DOK6: variants seen among roughly 807,000 people sequenced by gnomAD.
DOK6 encodes the protein downstream of tyrosine kinase 6.
DOK6 carries 22 observed loss-of-function variants against 44.0 expected under a neutral mutation model. The observed-to-expected ratio is 0.50, with a 90% CI of 0.36 to 0.71. The LOEUF (loss-of-function observed/expected upper bound fraction) is 0.71. Among genes scored for constraint, DOK6 ranks in the 30% least tolerant of loss-of-function variants. The pLI is 0.00. For synonymous variants in DOK6, 166 were observed against 145.5 expected (o/e 1.14, Z -1.01); for missense variants, 340 against 416.4 (o/e 0.82, Z 1.60).
At chr18:69,455,119 G>C (rs1288658701) in intron 1 of DOK6, among the ~76,000 whole-genome samples, 1 of 124,224 alleles carries the variant, frequency 8.0e-6, no homozygotes, top group African/African-American at 3.0e-5. Flanking sequence ...ACTTTGTTTA[G>C]AATTCGCCTT....
At chr18:69,693,346 C>G (rs1275544889) in intron 4 of DOK6, among the ~76,000 whole-genome samples, 2 of 149,220 alleles carry the variant, frequency 1.3e-5, no homozygotes, top group African/African-American at 4.9e-5. Context: ...CTATTGGCTT[C>G]CAGTAGACAT....
chr18:69,493,171 C>G (rs1273013413), intron 1 of DOK6, among the ~76,000 whole-genome samples: 1 of 152,122 alleles, frequency 6.6e-6, no homozygotes, highest in Admixed American at 6.6e-5. Flanking sequence ...TATTCATATT[C>G]ATCTTTGAGT....
At chr18:69,794,415 T>C (rs959371050) in intron 7 of DOK6, among the ~76,000 whole-genome samples, 3 of 152,196 alleles carry the variant, frequency 2.0e-5, no homozygotes, top group African/African-American at 7.2e-5. Context: ...TATGTTTTTT[T>C]AACCATTATG....
chr18:69,797,173 C>T (rs745489532), intron 7 of DOK6, among the ~76,000 whole-genome samples: 1 of 152,110 alleles, frequency 6.6e-6, no homozygotes, highest in Non-Finnish European at 1.5e-5. Flanking sequence ...GGCTTCTCAC[C>T]AACCGAAAGG....
intron 1 of DOK6, among the ~76,000 whole-genome samples, chr18:69,493,634 A>G (rs1255363736): frequency 6.6e-6 from 1 of 151,750 alleles, no homozygotes; most frequent in East Asian, 1.9e-4. Context: ...TTTCAAAATC[A>G]TAGAGATACA....
intron 1 of DOK6, among the ~76,000 whole-genome samples, chr18:69,463,751 TTGTG>T (rs1050699532): frequency 5.9e-5 from 9 of 151,664 alleles, no homozygotes; most frequent in Admixed American, 4.0e-4. Context: ...AAATGCATGT[TTGTG>T]TGTGTCTGTG....
At chr18:69,665,023 C>CA (rs576619939) in intron 3 of DOK6, among the ~76,000 whole-genome samples, 6 of 151,520 alleles carry the variant, frequency 4.0e-5, no homozygotes, top group Admixed American at 6.6e-5. Context: ...ACTATAAATA[C>CA]AAAAAAAATT....
intron 1 of DOK6, among the ~76,000 whole-genome samples, chr18:69,425,988 TG>T (rs1160889105): frequency 1.3e-5 from 2 of 152,176 alleles, no homozygotes; most frequent in Non-Finnish European, 2.9e-5. Context: ...TTATTCTAAT[TG>T]TTTTACTTTT....
chr18:69,418,906 A>G (rs952564760), intron 1 of DOK6, among the ~76,000 whole-genome samples: 3 of 152,160 alleles, frequency 2.0e-5, no homozygotes, highest in Admixed American at 2.0e-4. Flanking sequence ...GCCTAAGTAC[A>G]TGTATTTCAA....
intron 5 of DOK6, among the ~76,000 whole-genome samples, chr18:69,718,611 G>A (rs1263252437): frequency 6.6e-6 from 1 of 152,128 alleles, no homozygotes; most frequent in Admixed American, 6.5e-5. Context: ...AGGATATTAT[G>A]CCATTCTCAA....
At chr18:69,604,919 T>C (rs1423273298) in intron 3 of DOK6, among the ~76,000 whole-genome samples, 1 of 152,188 alleles carries the variant, frequency 6.6e-6, no homozygotes, top group Non-Finnish European at 1.5e-5. Context: ...GTTATGTGGG[T>C]ACATTGTGCA....
chr18:69,795,094 A>C (rs952686073), intron 7 of DOK6, among the ~76,000 whole-genome samples: 1 of 152,138 alleles, frequency 6.6e-6, no homozygotes, highest in African/African-American at 2.4e-5. Context: ...GATCCATGGA[A>C]AAATTGTCTT....
intron 7 of DOK6, among the ~76,000 whole-genome samples, chr18:69,781,708 A>G (rs1223622755): frequency 6.6e-6 from 1 of 152,188 alleles, no homozygotes; most frequent in African/African-American, 2.4e-5. Context: ...TAACATTTTC[A>G]TATATTGAAA....
chr18:69,723,101 A>C (rs1978291617), intron 5 of DOK6, among the ~76,000 whole-genome samples: 1 of 152,220 alleles, frequency 6.6e-6, no homozygotes, highest in South Asian at 2.1e-4. Context: ...AATATGCCGA[A>C]AGCTGACAAT....
chr18:69,727,042 C>G (rs35096005), intron 5 of DOK6, among the ~76,000 whole-genome samples: 85 of 152,102 alleles, frequency 5.6e-4, no homozygotes, highest in Admixed American at 1.2e-3. Flanking sequence ...TTCTTTATAG[C>G]AACAGGGTCC....
chr18:69,481,618 A>G (rs1411063986), intron 1 of DOK6, among the ~76,000 whole-genome samples: 3 of 152,112 alleles, frequency 2.0e-5, no homozygotes, highest in Non-Finnish European at 4.4e-5. Flanking sequence ...AATCCAGTCT[A>G]TCATTGTTGG....
rs560728394 is a variant in DOK6, at chr18:69,488,671, A to T, written c.67-75816A>T. On this transcript the variant is annotated intron_variant, in intron 1 of 7. Coordinates refer to ENST00000382713, the MANE Select transcript of DOK6 (RefSeq NM_152721.6). Reference sequence around the variant, plus strand: ...GAACTGCCCTTTATAAAACCATCAGATCCTGTACGACTTATTCACTATCAG... The same window carrying T: ...GAACTGCCCTTTATAAAACCATCAGTTCCTGTACGACTTATTCACTATCAG... Among the ~76,000 whole-genome samples, 9 of 152,174 alleles carry T rather than the reference A, an allele frequency of 5.9e-5. No homozygotes were observed. The South Asian group carries it at 1.7e-3, about 28-fold the overall frequency.
intron 1 of DOK6, among the ~76,000 whole-genome samples, chr18:69,530,353 C>T (rs914920132): frequency 1.3e-5 from 2 of 152,102 alleles, no homozygotes; most frequent in African/African-American, 4.8e-5. Flanking sequence ...GCCCTGTATG[C>T]TTTGGTTTGT....
intron 1 of DOK6, among the ~76,000 whole-genome samples, chr18:69,561,646 A>G (rs1226888188): frequency 1.3e-5 from 2 of 152,048 alleles, no homozygotes; most frequent in African/African-American, 2.4e-5. Flanking sequence ...AGTGTTTGTT[A>G]GGGAAGGTGC....
Sources: gnomAD v4.1 joint callset for allele counts (sites outside exome capture counted in the v4.1 genomes callset) on GRCh38, gnomAD v4.1.1 for gene constraint, MANE v1.5 for transcripts, NCBI Gene and HGNC (gene_info 2026-07-23, HGNC 2026-07-21) for gene names.